Variants in DOK6 observed in about 807,000 individuals in gnomAD.
DOK6 encodes docking protein 6, also known as downstream of tyrosine kinase 6.
DOK6 carries 22 observed loss-of-function variants against 44.0 expected under a neutral mutation model. The ratio of observed to expected loss-of-function variants is 0.50; its 90% CI spans 0.36 to 0.71. The LOEUF (loss-of-function observed/expected upper bound fraction) is 0.71, where lower values mean the gene tolerates loss of function less well. Ranked by LOEUF, DOK6 falls within the 30% of genes least tolerant of loss-of-function variation. The probability of loss-of-function intolerance (pLI) is 0.00; values close to 1 mark genes in which losing one functional copy is unlikely to be tolerated. For missense variants in DOK6, 340 were observed against 416.4 expected (o/e 0.82, Z 1.60); for synonymous variants, 166 against 145.5 (o/e 1.14, Z -1.01).
At chr18:69,795,488 TTAATAG>T (rs1280018728) in intron 7 of DOK6, among the ~76,000 whole-genome samples, 2 of 152,164 alleles carry the variant, frequency 1.3e-5, no homozygotes, top group African/African-American at 4.8e-5. Flanking sequence ...CTTACAAAAC[TTAATAG>T]TAATATATTG....
intron 1 of DOK6, among the ~76,000 whole-genome samples, chr18:69,501,536 C>T (rs941372088): frequency 7.9e-5 from 12 of 152,144 alleles, no homozygotes; most frequent in African/African-American, 2.9e-4. Flanking sequence ...TCTGCTCTTG[C>T]AATGTGATCT....
chr18:69,653,444 C>T (rs928370300), intron 3 of DOK6, among the ~76,000 whole-genome samples: 5 of 152,048 alleles, frequency 3.3e-5, no homozygotes, highest in African/African-American at 1.2e-4. Flanking sequence ...AGGTACTTGC[C>T]GTCTGGTAGG....
At chr18:69,714,128 T>C (rs1188620373) in intron 5 of DOK6, among the ~76,000 whole-genome samples, 1 of 152,190 alleles carries the variant, frequency 6.6e-6, no homozygotes, top group Non-Finnish European at 1.5e-5. Context: ...AAAAAGAGAC[T>C]CCCTATATAC....
At chr18:69,531,157 C>A (rs1028532552) in intron 1 of DOK6, among the ~76,000 whole-genome samples, 2 of 150,600 alleles carry the variant, frequency 1.3e-5, no homozygotes, top group African/African-American at 4.9e-5. Flanking sequence ...TGTCTCTGAA[C>A]GTGAGATGGA....
chr18:69,671,388 T>C (rs1985795486), intron 3 of DOK6, among the ~76,000 whole-genome samples: 2 of 152,220 alleles, frequency 1.3e-5, no homozygotes, highest in Non-Finnish European at 2.9e-5. Context: ...AAGATGCATT[T>C]AGGTGGTAAC....
At chr18:69,487,636 A>G (rs1286000851) in intron 1 of DOK6, among the ~76,000 whole-genome samples, 2 of 152,166 alleles carry the variant, frequency 1.3e-5, no homozygotes, top group East Asian at 1.9e-4. Flanking sequence ...AAGTTATGCA[A>G]GGCAATTTCT....
In DOK6 at chr18:69,805,190, G is replaced by A. The variant is rs536692460; in HGVS notation, c.857-36054G>A. 1.1e-3 allele frequency among the ~76,000 whole-genome samples: 162 copies of A among 152,224 alleles called. 2 individuals carry two copies. The South Asian group carries it at 0.033, about 31-fold the overall frequency. ...AAAAGAGATAAGCTCCTGCATTTAT[G>A]GTTTATTCTGTAACAGAGGCAAACA... On this transcript the variant is annotated intron_variant, in intron 7 of 7. Coordinates refer to ENST00000382713, the MANE Select transcript of DOK6 (RefSeq NM_152721.6).
chr18:69,694,159 C>T (rs1428918985), intron 4 of DOK6, among the ~76,000 whole-genome samples: 1 of 150,318 alleles, frequency 6.7e-6, no homozygotes, highest in Non-Finnish European at 1.5e-5. Context: ...ATGACCCATT[C>T]AGTCCCCTCT....
intron 3 of DOK6, among the ~76,000 whole-genome samples, chr18:69,642,506 A>T (rs1367079665): frequency 2.6e-5 from 4 of 152,140 alleles, no homozygotes. Flanking sequence ...AACAAAACAA[A>T]CACTTAAACA....
At chr18:69,487,931 G>A (rs913582184) in intron 1 of DOK6, among the ~76,000 whole-genome samples, 1 of 152,140 alleles carries the variant, frequency 6.6e-6, no homozygotes, top group Non-Finnish European at 1.5e-5. Context: ...CAGCCTTGAT[G>A]TTCCACTCAC....
intron 7 of DOK6, among the ~76,000 whole-genome samples, chr18:69,835,998 A>T (rs569717997): frequency 3.0e-4 from 45 of 152,342 alleles, no homozygotes; most frequent in African/African-American, 9.6e-4. Flanking sequence ...TAAGATAAAA[A>T]TTCAGAGACT....
At chr18:69,450,653 C>A (rs1979434202) in intron 1 of DOK6, among the ~76,000 whole-genome samples, 1 of 151,898 alleles carries the variant, frequency 6.6e-6, no homozygotes, top group Admixed American at 6.6e-5. Context: ...TTAAGGGCAG[C>A]CAGAGAGAAA....
At chr18:69,679,032 A>G (rs1399873410) in intron 4 of DOK6, among the ~76,000 whole-genome samples, 6 of 152,014 alleles carry the variant, frequency 3.9e-5, no homozygotes, top group African/African-American at 1.4e-4. Context: ...AAAAATTAGC[A>G]GGCTGTGGTG....
At chr18:69,481,862 C>G (rs1451869239) in intron 1 of DOK6, among the ~76,000 whole-genome samples, 1 of 152,152 alleles carries the variant, frequency 6.6e-6, no homozygotes, top group Admixed American at 6.6e-5. Flanking sequence ...GTTCCTATTT[C>G]TCCACATCCT....
intron 3 of DOK6, among the ~76,000 whole-genome samples, chr18:69,648,899 T>C (rs1176617470): frequency 1.3e-5 from 2 of 152,186 alleles, no homozygotes; most frequent in Non-Finnish European, 2.9e-5. Flanking sequence ...ATGTTAAACA[T>C]CTATAAATTA....
At chr18:69,504,699 A>T (rs1030586149) in intron 1 of DOK6, among the ~76,000 whole-genome samples, 3 of 152,202 alleles carry the variant, frequency 2.0e-5, no homozygotes, top group Admixed American at 2.0e-4. Context: ...TAACATGTGA[A>T]ATACCACTTT....
At chr18:69,767,315 ACTCT>A (rs1274164336) in intron 7 of DOK6, among the ~76,000 whole-genome samples, 6 of 151,766 alleles carry the variant, frequency 4.0e-5, no homozygotes, top group African/African-American at 1.5e-4. Context: ...CTTAACTCTC[ACTCT>A]AAGTTTTTAA....
At chr18:69,738,655 A>AT (rs1157893785) in intron 5 of DOK6, among the ~76,000 whole-genome samples, 2 of 152,234 alleles carry the variant, frequency 1.3e-5, no homozygotes, top group African/African-American at 4.8e-5. Context: ...AAAAACACTA[A>AT]TTCATTTAAA....
intron 1 of DOK6, among the ~76,000 whole-genome samples, chr18:69,546,098 A>T (rs1294750421): frequency 6.6e-6 from 1 of 151,084 alleles, no homozygotes; most frequent in African/African-American, 2.4e-5. Context: ...GCCAACATCG[A>T]GAAAACCCAT....
Sources: allele counts gnomAD v4.1 joint callset (sites outside exome capture counted in the v4.1 genomes callset), GRCh38; gene constraint gnomAD v4.1.1; transcripts MANE v1.5; gene names NCBI Gene and HGNC (gene_info 2026-07-23, HGNC 2026-07-21).